PRELID2: variants seen among roughly 807,000 people sequenced by gnomAD.
The protein encoded by PRELID2 is PRELI domain-containing protein 2.
In PRELID2, 25 loss-of-function variants were observed where a neutral mutation model predicts 28.4. The ratio of observed to expected loss-of-function variants is 0.88; its 90% confidence interval spans 0.64 to 1.23. The LOEUF is 1.23. Among genes scored for constraint, PRELID2 ranks in the 50% most tolerant of loss-of-function variants. The pLI, the probability that PRELID2 is intolerant of heterozygous loss-of-function variation, is 0.00. For missense variants in PRELID2, 201 were observed against 214.4 expected, an observed-to-expected ratio of 0.94 and a Z score of 0.39; for synonymous variants, 76 against 71.6, an observed-to-expected ratio of 1.06 and a Z score of -0.31.
chr5:145,742,972 T>C (rs1269573485), intron 1 of PRELID2, among the ~76,000 whole-genome samples: 2 of 151,972 alleles, frequency 1.3e-5, no homozygotes, highest in African/African-American at 4.8e-5. Flanking sequence ...TTAGATGAAA[T>C]TGACCAATTT....
At chr5:145,412,397 G>C in the PRELID2 span, among the ~76,000 whole-genome samples, 1 of 152,122 alleles carries the variant, frequency 6.6e-6, no homozygotes, top group Non-Finnish European at 1.5e-5. Flanking sequence ...CAGTCTCTTT[G>C]CATAGCAAGA....
rs1489851869 is a variant in PRELID2 at position 145,741,479 on chromosome 5, A to C, written n.70+23452T>G. 7.6e-5 allele frequency among the ~76,000 whole-genome samples: 9 copies of C among 118,120 alleles called. 1 individual carries two copies. The highest frequency in any genetic ancestry group is 2.8e-4 in the African/African-American group (8 of 28,424). The allele number at this position is 118,120 out of a possible 152,430, so 77.5% of individuals were successfully genotyped here. A position where few individuals can be genotyped will look rare whatever the true frequency, so the allele number is the denominator to read the frequency against. The stretch of plus-strand genomic sequence containing the variant: ...ATTTATTTATATATAAACAAAATTT[A>C]TTTATAAATAAATTATATATAAAAT... On this transcript the variant is annotated intron_variant and non_coding_transcript_variant, in intron 1 of 2. Coordinates refer to the PRELID2 transcript ENST00000510259.
the PRELID2 span, among the ~76,000 whole-genome samples, chr5:145,444,409 C>T: frequency 2.0e-5 from 3 of 151,990 alleles, no homozygotes; most frequent in Non-Finnish European, 4.4e-5. Flanking sequence ...AGATGTTTTG[C>T]TCTGTGTGAT....
intron 1 of PRELID2, among the ~76,000 whole-genome samples, chr5:145,514,255 T>G (rs1752492569): frequency 6.8e-6 from 1 of 147,156 alleles, no homozygotes; most frequent in South Asian, 2.2e-4. Flanking sequence ...TCATTTCATG[T>G]GCACAGACAC....
intron 2 of PRELID2, among the ~76,000 whole-genome samples, chr5:145,472,489 C>G (rs922734935): frequency 3.9e-5 from 6 of 152,124 alleles, no homozygotes; most frequent in Non-Finnish European, 8.8e-5. Context: ...ATACTAATTA[C>G]ATTAAAGATG....
intron 1 of PRELID2, among the ~76,000 whole-genome samples, chr5:145,690,686 T>C (rs945709255): frequency 1.3e-5 from 2 of 152,178 alleles, no homozygotes; most frequent in African/African-American, 2.4e-5. Flanking sequence ...TGCATTTCCT[T>C]TTTTATTTAA....
At chr5:145,437,990 C>G in the PRELID2 span, among the ~76,000 whole-genome samples, 3 of 152,044 alleles carry the variant, frequency 2.0e-5, no homozygotes, top group Non-Finnish European at 4.4e-5. Context: ...AAATGTCATC[C>G]TGTTTCCTGA....
At chr5:145,339,633 A>G in the PRELID2 span, among the ~76,000 whole-genome samples, 1 of 152,210 alleles carries the variant, frequency 6.6e-6, no homozygotes, top group African/African-American at 2.4e-5. Context: ...CCAAGAAGGA[A>G]GATGAGAAGC....
At chr5:145,487,108 G>A (rs1200858671) in intron 1 of PRELID2, among the ~76,000 whole-genome samples, 7 of 123,728 alleles carry the variant, frequency 5.7e-5, no homozygotes, top group African/African-American at 9.0e-5. Context: ...GGGGGAGGGG[G>A]GAGGGATAGC....
chr5:145,817,447 A>ATATATC (rs1293005630), intron 4 of PRELID2, among the ~76,000 whole-genome samples: 3 of 130,252 alleles, frequency 2.3e-5, no homozygotes, highest in African/African-American at 8.3e-5. Context: ...ATATATATAT[A>ATATATC]TCACATGGTT....
chr5:145,708,406 T>C (rs1019996659), intron 1 of PRELID2, among the ~76,000 whole-genome samples: 4 of 152,138 alleles, frequency 2.6e-5, no homozygotes, highest in Non-Finnish European at 5.9e-5. Flanking sequence ...TAAAATAAAA[T>C]AGTTTATTGA....
At chr5:145,661,042 G>C (rs1033879629) in intron 1 of PRELID2, among the ~76,000 whole-genome samples, 4 of 152,146 alleles carry the variant, frequency 2.6e-5, no homozygotes, top group African/African-American at 4.8e-5. Context: ...CCTAATTCAA[G>C]ATTGCCTTAC....
intron 1 of PRELID2, among the ~76,000 whole-genome samples, chr5:145,701,285 T>A (rs1165335059): frequency 6.6e-6 from 1 of 152,166 alleles, no homozygotes; most frequent in African/African-American, 2.4e-5. Flanking sequence ...TGCCTCTCAT[T>A]TGACCCAAAG....
At chr5:145,396,297 A>C in the PRELID2 span, among the ~76,000 whole-genome samples, 1 of 152,118 alleles carries the variant, frequency 6.6e-6, no homozygotes, top group South Asian at 2.1e-4. Context: ...TGTTCAGCAG[A>C]CCTATTTGTT....
At chr5:145,267,799 G>C in the PRELID2 span, among the ~76,000 whole-genome samples, 12,822 of 152,122 alleles carry the variant, frequency 0.084, 1,169 homozygotes, top group African/African-American at 0.23. Flanking sequence ...TGCTTTTTCT[G>C]CACAACCTCA....
chr5:145,305,701 T>TAC, the PRELID2 span, among the ~76,000 whole-genome samples: 2 of 151,886 alleles, frequency 1.3e-5, no homozygotes, highest in South Asian at 4.2e-4. Context: ...CTGCAGAACT[T>TAC]ACACACACAC....
At chr5:145,599,465 T>A (rs1316579090) in intron 1 of PRELID2, among the ~76,000 whole-genome samples, 1 of 152,162 alleles carries the variant, frequency 6.6e-6, no homozygotes, top group Admixed American at 6.5e-5. Flanking sequence ...GCTTTTTGTA[T>A]CCATGAAGGT....
chr5:145,400,139 A>G, the PRELID2 span, among the ~76,000 whole-genome samples: 1 of 152,164 alleles, frequency 6.6e-6, no homozygotes, highest in Non-Finnish European at 1.5e-5. Context: ...GGCATCAGTC[A>G]TTATGCAAGT....
At chr5:145,339,904 A>C in the PRELID2 span, among the ~76,000 whole-genome samples, 1 of 152,116 alleles carries the variant, frequency 6.6e-6, no homozygotes, top group Non-Finnish European at 1.5e-5. Context: ...ATGAGGCTAG[A>C]TACTCCCACA....
Sources: gnomAD v4.1 joint callset for allele counts (sites outside exome capture counted in the v4.1 genomes callset) on GRCh38, gnomAD v4.1.1 for gene constraint, MANE v1.5 for transcripts, NCBI Gene and HGNC (gene_info 2026-07-23, HGNC 2026-07-21) for gene names.